RBFOX1: variants seen among roughly 807,000 people sequenced by gnomAD.
The protein encoded by RBFOX1 is RNA binding fox-1 homolog 1.
RBFOX1 carries 8 observed loss-of-function variants against 57.7 expected under a neutral mutation model. That is an observed-to-expected ratio of 0.14 (90% CI 0.08 to 0.25). The LOEUF is 0.25. RBFOX1 is among the 10% of genes least tolerant of loss of function. RBFOX1 has a pLI of 1.00. For missense variants in RBFOX1, 611 were observed against 548.5 expected, an observed-to-expected ratio of 1.11 and a Z score of -1.14; for synonymous variants, 326 against 222.4, an observed-to-expected ratio of 1.47 and a Z score of -4.15.
At chr16:6,352,420 T>C (rs1035397479) in intron 2 of RBFOX1, among the ~76,000 whole-genome samples, 1 of 152,212 alleles carries the variant, frequency 6.6e-6, no homozygotes, top group Non-Finnish European at 1.5e-5. Context: ...ATTTAGTGTT[T>C]ATGTTGAACA....
At chr16:6,880,905 C>G (rs913678609) in intron 3 of RBFOX1, among the ~76,000 whole-genome samples, 5 of 152,256 alleles carry the variant, frequency 3.3e-5, no homozygotes, top group African/African-American at 9.6e-5. Context: ...AGCTGTTGAG[C>G]TTGAGCAGAG....
intron 1 of RBFOX1, among the ~76,000 whole-genome samples, chr16:5,302,361 G>C (rs1460540898): frequency 6.6e-6 from 1 of 152,136 alleles, no homozygotes; most frequent in South Asian, 2.1e-4. Flanking sequence ...GCAGCATATG[G>C]TCTCTCTTAA....
intron 2 of RBFOX1, among the ~76,000 whole-genome samples, chr16:5,537,790 G>T (rs1164371223): frequency 1.3e-5 from 2 of 152,182 alleles, no homozygotes; most frequent in Non-Finnish European, 2.9e-5. Flanking sequence ...ATTAGATTGA[G>T]CTCACTTGGA....
At chr16:7,098,477 A>T (rs1214407182) in intron 4 of RBFOX1, among the ~76,000 whole-genome samples, 1 of 152,022 alleles carries the variant, frequency 6.6e-6, no homozygotes, top group Non-Finnish European at 1.5e-5. Context: ...GTAGGCAAAA[A>T]CTCTTATTCT....
intron 3 of RBFOX1, among the ~76,000 whole-genome samples, chr16:5,739,206 G>A (rs898093411): frequency 2.6e-5 from 4 of 152,216 alleles, no homozygotes; most frequent in Admixed American, 6.5e-5. Flanking sequence ...AGGCAAGGAA[G>A]GATGAAAGAA....
chr16:6,804,387 A>G (rs930973182), intron 3 of RBFOX1, among the ~76,000 whole-genome samples: 1 of 152,118 alleles, frequency 6.6e-6, no homozygotes, highest in Non-Finnish European at 1.5e-5. Flanking sequence ...AGGATCCCTA[A>G]TGCCCCATCT....
chr16:6,591,679 T>C (rs1251486486), intron 2 of RBFOX1, among the ~76,000 whole-genome samples: 1 of 152,214 alleles, frequency 6.6e-6, no homozygotes, highest in Non-Finnish European at 1.5e-5. Flanking sequence ...AACTCTAGTA[T>C]CTTCTGCTTT....
intron 4 of RBFOX1, among the ~76,000 whole-genome samples, chr16:7,449,926 G>A (rs1321405212): frequency 2.0e-5 from 3 of 152,112 alleles, no homozygotes; most frequent in African/African-American, 7.2e-5. Flanking sequence ...AGAGCAGTGA[G>A]AAGTGGAGAG....
At chr16:5,384,247 C>G (rs1173937426) in intron 1 of RBFOX1, among the ~76,000 whole-genome samples, 1 of 152,196 alleles carries the variant, frequency 6.6e-6, no homozygotes, top group Non-Finnish European at 1.5e-5. Context: ...ATCTCACTCC[C>G]TACCTGGACT....
intron 4 of RBFOX1, among the ~76,000 whole-genome samples, chr16:7,293,100 A>G (rs764458165): frequency 1.5e-4 from 23 of 152,190 alleles, no homozygotes; most frequent in Non-Finnish European, 3.2e-4. Context: ...TGTGATAGAT[A>G]CCGTTGACCC....
At chr16:6,433,585 C>G (rs76511365) in intron 2 of RBFOX1, among the ~76,000 whole-genome samples, 2,877 of 152,236 alleles carry the variant, frequency 0.019, 88 homozygotes, top group African/African-American at 0.065. Flanking sequence ...AAAGCAAGAA[C>G]CTTATGAACG....
intron 3 of RBFOX1, among the ~76,000 whole-genome samples, chr16:5,606,361 C>G (rs1353341507): frequency 6.6e-6 from 1 of 152,022 alleles, no homozygotes; most frequent in Non-Finnish European, 1.5e-5. Context: ...ACCATTCATC[C>G]ATAGTCATCA....
intron 3 of RBFOX1, among the ~76,000 whole-genome samples, chr16:6,765,427 A>G (rs2077192822): frequency 6.6e-6 from 1 of 152,214 alleles, no homozygotes; most frequent in Non-Finnish European, 1.5e-5. Flanking sequence ...ACTGTTGAGT[A>G]TTAGACTGAA....
chr16:5,720,105 C>G (rs978592869), intron 3 of RBFOX1, among the ~76,000 whole-genome samples: 1 of 152,096 alleles, frequency 6.6e-6, no homozygotes, highest in Non-Finnish European at 1.5e-5. Context: ...GGTTTTTATT[C>G]TGGCCATCTT....
intron 2 of RBFOX1, among the ~76,000 whole-genome samples, chr16:5,593,960 G>A (rs373735997): frequency 1.1e-4 from 16 of 152,186 alleles, no homozygotes; most frequent in East Asian, 1.9e-4. Context: ...TGCTTCATCC[G>A]TAGGAACCCG....
At chr16:5,834,960 C>T (rs916414155) in intron 3 of RBFOX1, among the ~76,000 whole-genome samples, 1 of 152,170 alleles carries the variant, frequency 6.6e-6, no homozygotes, top group African/African-American at 2.4e-5. Flanking sequence ...TTTACATTCC[C>T]ACCAACAGTG....
intron 4 of RBFOX1, among the ~76,000 whole-genome samples, chr16:7,227,709 G>A (rs1381072884): frequency 6.6e-6 from 1 of 152,094 alleles, no homozygotes; most frequent in South Asian, 2.1e-4. Context: ...TTGGCCCGTC[G>A]CCCTGCCTGC....
At chr16:6,569,229 A>C (rs531588278) in intron 2 of RBFOX1, among the ~76,000 whole-genome samples, 8 of 152,334 alleles carry the variant, frequency 5.3e-5, no homozygotes, top group African/African-American at 1.9e-4. Context: ...GTTATCTAAT[A>C]CTGTGTAAGA....
chr16:5,446,973 G>T (rs933323593), intron 1 of RBFOX1, among the ~76,000 whole-genome samples: 1 of 152,126 alleles, frequency 6.6e-6, no homozygotes, highest in Non-Finnish European at 1.5e-5. Flanking sequence ...ATCTTGTGAG[G>T]AGTCAATGGG....
Sources: gnomAD v4.1 joint callset for allele counts (sites outside exome capture counted in the v4.1 genomes callset) on GRCh38, gnomAD v4.1.1 for gene constraint, MANE v1.5 for transcripts, NCBI Gene and HGNC (gene_info 2026-07-23, HGNC 2026-07-21) for gene names.